Variants in AUTS2 observed in about 807,000 individuals in gnomAD.
AUTS2 encodes autism susceptibility gene 2 protein.
In AUTS2, 17 loss-of-function variants were observed where a neutral mutation model predicts 112.4. That is an observed-to-expected ratio of 0.15 (90% CI 0.10 to 0.23). The LOEUF is 0.23. Ranked by LOEUF, AUTS2 falls within the 10% of genes least tolerant of loss-of-function variation. AUTS2 has a pLI of 1.00. For missense variants in AUTS2, 1,510 were observed against 1,701.6 expected, an observed-to-expected ratio of 0.89 and a Z score of 1.98; for synonymous variants, 751 against 702.7, an observed-to-expected ratio of 1.07 and a Z score of -1.09.
rs370966756 is a variant in AUTS2, at chr7:69,894,252, G to GTTTTTTTTTTTTTTTT, written c.310-5023_310-5008dup. Among the ~76,000 whole-genome samples, 4 of 36,738 alleles carry GTTTTTTTTTTTTTTTT rather than the reference G, an allele frequency of 1.1e-4. 1 individual carries two copies. Among genetic ancestry groups the GTTTTTTTTTTTTTTTT allele is most frequent in the African/African-American group, 5.3e-4 (4 of 7,572 alleles). The allele number at this position is 36,738 out of a possible 152,430, so 24.1% of individuals were successfully genotyped here. A position where few individuals can be genotyped will look rare whatever the true frequency, so the allele number is the denominator to read the frequency against. On this transcript the variant is annotated intron_variant, in intron 1 of 18. Coordinates refer to ENST00000342771, the MANE Select transcript of AUTS2 (RefSeq NM_015570.4). ...GACTGTCAAATGAATGCCTTAAAGCGTTTTTTTTTTTTTTTTTTTTTTTTT... is the reference window on the plus strand; with the variant it reads ...GACTGTCAAATGAATGCCTTAAAGCGTTTTTTTTTTTTTTTTTTTTTTTTTTTTTTTTTTTTTTTTT...
At chr7:70,787,025 C>T (rs1249294012) in intron 17 of AUTS2, 184 bp from the exon 18 acceptor site, 5 of 699,968 alleles carry the variant, frequency 7.1e-6, no homozygotes, top group Non-Finnish European at 1.2e-5. Context: ...CTGTGAGCTA[C>T]CTCTCCAGTG....
intron 5 of AUTS2, among the ~76,000 whole-genome samples, chr7:70,578,924 TTC>T (rs1802298782): frequency 7.2e-6 from 1 of 138,664 alleles, no homozygotes; most frequent in African/African-American, 2.7e-5. Flanking sequence ...TTTTTTTTCT[TTC>T]TTTTTTTTTT....
intron 5 of AUTS2, among the ~76,000 whole-genome samples, chr7:70,505,668 A>G (rs1798932323): frequency 6.6e-6 from 1 of 152,192 alleles, no homozygotes; most frequent in Non-Finnish European, 1.5e-5. Context: ...AACCGTGGTT[A>G]TACCCAGGCT....
chr7:70,373,438 A>C lies in AUTS2; in HGVS notation c.661-62314A>C, dbSNP rs185309658. 5.1e-3 allele frequency among the ~76,000 whole-genome samples: 777 copies of C among 152,176 alleles called. 6 individuals are homozygous for C. Among genetic ancestry groups the C allele is most frequent in the East Asian group, 0.018 (93 of 5,172 alleles). On this transcript the variant is annotated intron_variant, in intron 4 of 18. Coordinates refer to ENST00000342771, the MANE Select transcript of AUTS2 (RefSeq NM_015570.4). The stretch of plus-strand genomic sequence containing the variant: ...TTGGATAACAAGGGTAGGTTTCTTT[A>C]TTTATTTATTTTTTTGGTTGGTTTT...
intron 1 of AUTS2, among the ~76,000 whole-genome samples, chr7:69,769,737 A>G (rs1788583166): frequency 6.6e-6 from 1 of 152,160 alleles, no homozygotes; most frequent in South Asian, 2.1e-4. Flanking sequence ...CACGGAGTAA[A>G]CTTGATTATT....
chr7:70,204,177 G>A (rs545006935), intron 4 of AUTS2, among the ~76,000 whole-genome samples: 104 of 152,208 alleles, frequency 6.8e-4, no homozygotes, highest in Non-Finnish European at 1.2e-3. Context: ...ATTTGAACAA[G>A]GAATGTGTTG....
intron 4 of AUTS2, among the ~76,000 whole-genome samples, chr7:70,256,566 G>A (rs974013469): frequency 1.3e-5 from 2 of 152,200 alleles, no homozygotes; most frequent in Non-Finnish European, 2.9e-5. Context: ...ACAGTTGTCT[G>A]TCAGGGCTGC....
chr7:69,830,303 G>A (rs1021116264), intron 1 of AUTS2, among the ~76,000 whole-genome samples: 3 of 152,118 alleles, frequency 2.0e-5, no homozygotes, highest in African/African-American at 7.2e-5. Flanking sequence ...AAACCTAGAT[G>A]ATGGGTTGAT....
chr7:70,603,701 G>T (rs926378131), intron 5 of AUTS2, among the ~76,000 whole-genome samples: 8 of 152,150 alleles, frequency 5.3e-5, no homozygotes, highest in African/African-American at 1.9e-4. Flanking sequence ...TAGCTCCCCT[G>T]CCAGCCAAAG....
intron 2 of AUTS2, among the ~76,000 whole-genome samples, chr7:69,908,445 G>T (rs1303441174): frequency 1.3e-5 from 2 of 152,082 alleles, no homozygotes; most frequent in South Asian, 2.1e-4. Flanking sequence ...TACACCTAGG[G>T]GTGTGCATCC....
At chr7:70,532,891 A>G (rs1800153515) in intron 5 of AUTS2, among the ~76,000 whole-genome samples, 1 of 152,198 alleles carries the variant, frequency 6.6e-6, no homozygotes, top group Non-Finnish European at 1.5e-5. Context: ...ATTCCATCCA[A>G]GTTTAAGACA....
rs1312572641 is a variant in AUTS2 at position 70,790,842 on chromosome 7, A to G, written c.3626A>G (p.Asn1209Ser). ...GCGGGCAACCAGAACGGACTCCTCA[A>G]CAAGACCCCTCCGACAGCAGCGCTG... The part of the protein sequence containing the change: ...PTAGNQNGLL[N>S]KTPPTAALSA... Residue 1209 changes from asparagine to serine, a missense_variant, in exon 19 of 19, where the codon AAC becomes AGC. Transcript: ENST00000342771. This position sits in a 1 kb window ranked among gnomAD's most constrained non-coding sequence, Gnocchi z 7.6. 2 of 1,607,498 alleles carry G rather than the reference A, an allele frequency of 1.2e-6. No individual in the cohort carries two copies. The highest frequency in any genetic ancestry group is 8.5e-7 in the Non-Finnish European group (1 of 1,176,580).
chr7:70,267,932 T>C (rs1389141305), intron 4 of AUTS2, among the ~76,000 whole-genome samples: 1 of 152,178 alleles, frequency 6.6e-6, no homozygotes, highest in Admixed American at 6.5e-5. Flanking sequence ...CCCAGACTTA[T>C]TGCCTTGGTT....
intron 2 of AUTS2, among the ~76,000 whole-genome samples, chr7:69,946,810 T>C (rs535481299): frequency 4.4e-4 from 67 of 152,320 alleles, no homozygotes; most frequent in African/African-American, 1.4e-3. Flanking sequence ...TAAAGTGCTT[T>C]ATGATGTCTT....
chr7:70,435,086 G>A (rs1175138973), intron 4 of AUTS2, among the ~76,000 whole-genome samples: 1 of 152,096 alleles, frequency 6.6e-6, no homozygotes, highest in Non-Finnish European at 1.5e-5. Context: ...TGGCCCTAAA[G>A]CATACTTTTT....
Position 70,073,395 on chromosome 7 carries a change from C to A in AUTS2, c.523-44737C>A, listed in dbSNP as rs997119111. 2.6e-5 allele frequency among the ~76,000 whole-genome samples: 4 copies of A among 151,758 alleles called. 1 individual carries two copies. In the Middle Eastern group the frequency reaches 0.01, roughly 390 times the overall value. The stretch of plus-strand genomic sequence containing the variant: ...GCATGATGGCGCACACCTGTAATCC[C>A]AGCTACTCGGGGGGCTGTGGCAGGA... On this transcript the variant is annotated intron_variant, in intron 2 of 18. Coordinates refer to ENST00000342771, the MANE Select transcript of AUTS2 (RefSeq NM_015570.4).
intron 2 of AUTS2, among the ~76,000 whole-genome samples, chr7:70,002,637 A>C (rs537351288): frequency 6.6e-6 from 1 of 152,144 alleles, no homozygotes; most frequent in African/African-American, 2.4e-5. Flanking sequence ...TAGAGATGAG[A>C]CTTACGATTT....
chr7:69,662,016 T>C (rs1430242582), intron 1 of AUTS2, among the ~76,000 whole-genome samples: 1 of 152,132 alleles, frequency 6.6e-6, no homozygotes, highest in Non-Finnish European at 1.5e-5. Flanking sequence ...GAGAGGGTAA[T>C]TTTTCTTCTT....
intron 5 of AUTS2, among the ~76,000 whole-genome samples, chr7:70,684,799 A>G (rs1808388185): frequency 6.6e-6 from 1 of 152,186 alleles, no homozygotes; most frequent in Non-Finnish European, 1.5e-5. Flanking sequence ...ACACTCCTGT[A>G]TCCATTTCCT....
Sources: gnomAD v4.1 joint callset for allele counts (sites outside exome capture counted in the v4.1 genomes callset) on GRCh38, gnomAD v4.1.1 for gene constraint, Gnocchi (gnomAD v3.1) non-coding constraint, MANE v1.5 for transcripts, NCBI Gene and HGNC (gene_info 2026-07-23, HGNC 2026-07-21) for gene names.